CYP2B6: variants seen among roughly 807,000 people sequenced by gnomAD.
CYP2B6 encodes cytochrome P450 2B6.
Under a neutral mutation model 43.4 loss-of-function variants are expected in CYP2B6, and 35 were observed. The observed-to-expected ratio is 0.81, with a 90% confidence interval of 0.62 to 1.07. The LOEUF is 1.07. Among genes scored for constraint, CYP2B6 ranks in the 50% least tolerant of loss-of-function variants. The pLI is 0.00. For synonymous variants in CYP2B6, 239 were observed against 239.2 expected (o/e 1.00, Z 0.01); for missense variants, 624 against 632.8 (o/e 0.99, Z 0.15).
chr19:41,010,266 C>T (rs1360624057), intron 6 of CYP2B6, 131 bp downstream of exon 6: 6 of 1,133,774 alleles, frequency 5.3e-6, no homozygotes, highest in African/African-American at 4.6e-5. Flanking sequence ...AGGCTCTGGG[C>T]TAGATTCCAA....
At position 41,009,381 on chromosome 19, in the gene CYP2B6, C is replaced by A. The variant is rs774825506; in HGVS notation, c.808C>A (p.Leu270Ile). 4 of 1,580,518 alleles carry A rather than the reference C, an allele frequency of 2.5e-6. No homozygotes were observed. Among genetic ancestry groups the A allele is most frequent in the Non-Finnish European group, 3.5e-6 (4 of 1,155,182 alleles). ...APKDLIDTYL[L>I]HMEKEKSNAH... ...CAAGGACCTCATCGACACCTACCTG[C>A]TCCACATGGAAAAAGTGGGGTCTGG... Residue 270 changes from leucine (L) to isoleucine (I), a missense_variant, in exon 5 of 9, where the codon CTC becomes ATC. Transcript: ENST00000324071.
intron 5 of CYP2B6, 87 bp from the exon 6 acceptor site, chr19:41,009,907 A>G (rs1969253046): frequency 6.4e-7 from 1 of 1,567,860 alleles, no homozygotes; most frequent in Non-Finnish European, 8.7e-7. Context: ...CTTTAGGCCA[A>G]CGGAGGGCAG....
intron 1 of CYP2B6, among the ~76,000 whole-genome samples, chr19:40,992,194 T>C (rs1194266190): frequency 3.4e-5 from 4 of 117,048 alleles, no homozygotes; most frequent in Admixed American, 8.4e-5. Flanking sequence ...AGAGTGAGAC[T>C]CCTTCTCAAA....
At chr19:41,009,635 A>G in intron 5 of CYP2B6, 1 of 618,108 alleles carries the variant, frequency 1.6e-6, no homozygotes, top group South Asian at 2.0e-5. Context: ...GGAAGACAGA[A>G]TGAAAGACAG....
At chr19:41,002,960 GGTTT>G (rs1969118867) in intron 1 of CYP2B6, among the ~76,000 whole-genome samples, 1 of 152,020 alleles carries the variant, frequency 6.6e-6, no homozygotes, top group Admixed American at 6.6e-5. Context: ...CTGTAGCTGT[GGTTT>G]GTTCTTTTTT....
intron 1 of CYP2B6, among the ~76,000 whole-genome samples, chr19:41,000,851 C>A (rs1006109772): frequency 5.3e-5 from 8 of 151,940 alleles, no homozygotes; most frequent in African/African-American, 9.7e-5. Context: ...CCAACCTGAC[C>A]AACATGGAGA....
chr19:41,010,804 C>G (rs746997873), intron 6 of CYP2B6, among the ~76,000 whole-genome samples: 13 of 152,256 alleles, frequency 8.5e-5, no homozygotes, highest in Non-Finnish European at 1.3e-4. Flanking sequence ...TGCTCCCTCA[C>G]TCTTCTGAGT....
intron 1 of CYP2B6, among the ~76,000 whole-genome samples, chr19:40,995,160 A>G (rs1485202927): frequency 2.6e-5 from 4 of 152,286 alleles, no homozygotes; most frequent in Non-Finnish European, 4.4e-5. Flanking sequence ...GGAAGAAAGG[A>G]TAAAAGATAA....
At chr19:41,000,805 G>A (rs1373637407) in intron 1 of CYP2B6, among the ~76,000 whole-genome samples, 1 of 152,046 alleles carries the variant, frequency 6.6e-6, no homozygotes, top group Non-Finnish European at 1.5e-5. Flanking sequence ...TTGGGAGGCT[G>A]AAGCAGGTGG....
chr19:40,998,242 T>G (rs1969026833), intron 1 of CYP2B6, among the ~76,000 whole-genome samples: 1 of 152,148 alleles, frequency 6.6e-6, no homozygotes, highest in African/African-American at 2.4e-5. Flanking sequence ...AGACGCTATC[T>G]GGGCACAAAT....
intron 1 of CYP2B6, among the ~76,000 whole-genome samples, chr19:40,995,803 G>C (rs1968991836): frequency 6.6e-6 from 1 of 152,130 alleles, no homozygotes; most frequent in African/African-American, 2.4e-5. Flanking sequence ...AATGATATTT[G>C]TTTGTAATAC....
rs148856816 is a variant in CYP2B6 at position 41,016,664 on chromosome 19, G to T, written c.1313G>T (p.Gly438Val). ...PFSLGKRICL[G>V]EGIARAELFL... is the part of the protein sequence containing the mutation. The stretch of plus-strand genomic sequence containing the variant: ...TCCACAGGGAAGCGGATTTGTCTTG[G>T]TGAAGGCATCGCCCGTGCGGAATTG... The change falls in exon 9 of 9, where the codon GGT becomes GTT. Residue 438 changes from glycine (G) to valine (V), a missense_variant. Gly to Val is a moderately radical substitution (Grantham distance 109). Transcript: ENST00000324071. 8 of 1,614,174 alleles carry T rather than the reference G, an allele frequency of 5.0e-6. No homozygotes were observed. The highest frequency in any genetic ancestry group is 1.6e-4 in the Middle Eastern group (1 of 6,062).
In CYP2B6 at chr19:41,010,177, T is replaced by G. The variant is rs200503668; in HGVS notation, c.964+42T>G. 2.5e-4 allele frequency: 406 copies of G among 1,610,210 alleles called. No homozygotes were observed. In the African/African-American group the frequency reaches 4.5e-3, roughly 18 times the overall value. On this transcript the variant is annotated intron_variant, in intron 6 of 8. Coordinates refer to ENST00000324071, the MANE Select transcript of CYP2B6 (RefSeq NM_000767.5). ...CAGTCAAGGGGGTCTTCTGACCTCC[T>G]TCTGAGCTGCAGAAATGGGGCTATG...
intron 8 of CYP2B6, 45 bp from the exon 9 acceptor site, chr19:41,016,601 A>G: frequency 1.9e-6 from 3 of 1,598,494 alleles, no homozygotes; most frequent in Non-Finnish European, 2.6e-6. Context: ...AGCGAAGTGT[A>G]TGCACCTGCC....
At chr19:41,016,356 T>TG (rs1311297864) in intron 8 of CYP2B6, among the ~76,000 whole-genome samples, 1 of 127,986 alleles carries the variant, frequency 7.8e-6, no homozygotes. Context: ...GCCAAGATGG[T>TG]GCCACTGTGC....
At chr19:41,013,044 C>T in intron 8 of CYP2B6, 1 of 571,498 alleles carries the variant, frequency 1.7e-6, no homozygotes, top group East Asian at 3.2e-5. Flanking sequence ...AGTATTTTAA[C>T]ATCTCTAAAC....
In CYP2B6 at chr19:41,005,287, C is replaced by T. The variant is rs142211955; in HGVS notation, c.484+841C>T. On this transcript the variant is annotated intron_variant, in intron 3 of 8. Coordinates refer to ENST00000324071, the MANE Select transcript of CYP2B6 (RefSeq NM_000767.5). Reference sequence around the variant, plus strand: ...ATGTAGGTGAAGGGTCTCTGGCTAGCACCTCCATCTCATTCATGCCAGGTG... The same window carrying T: ...ATGTAGGTGAAGGGTCTCTGGCTAGTACCTCCATCTCATTCATGCCAGGTG... Among the ~76,000 whole-genome samples, 100 of 152,180 alleles carry T rather than the reference C, an allele frequency of 6.6e-4. 1 individual carries two copies. Among genetic ancestry groups the T allele is most frequent in the African/African-American group, 2.4e-3 (98 of 41,482 alleles).
intron 7 of CYP2B6, 41 bp downstream of exon 7, chr19:41,012,526 T>C: frequency 6.2e-7 from 1 of 1,612,438 alleles, no homozygotes; most frequent in Non-Finnish European, 8.5e-7. Context: ...TGTTTGGGCA[T>C]CCTGGATTCT....
In CYP2B6 at chr19:41,006,895, T is replaced by C. The variant is rs1197303931; in HGVS notation, c.485-10T>C. ...TCAGTCTGTGTCCTTGACCTGCTGC[T>C]TCTTCCTAGGGGCCCTCATGGACCC... On this transcript the variant is annotated splice_polypyrimidine_tract_variant and intron_variant, in intron 3 of 8. Transcript: ENST00000324071. 6 of 1,612,850 alleles carry C rather than the reference T, an allele frequency of 3.7e-6. No homozygotes were observed. Among genetic ancestry groups the C allele is most frequent in the Non-Finnish European group, 5.1e-6 (6 of 1,179,898 alleles).
Sources: gnomAD v4.1 joint callset for allele counts (sites outside exome capture counted in the v4.1 genomes callset) on GRCh38, gnomAD v4.1.1 for gene constraint, MANE v1.5 for transcripts, NCBI Gene and HGNC (gene_info 2026-07-23, HGNC 2026-07-21) for gene names.